Variants in KLF8 observed in about 807,000 individuals in gnomAD.
KLF8 encodes the protein KLF transcription factor 8.
A neutral mutation model predicts 18.2 loss-of-function variants in KLF8; 10 were observed. The ratio of observed to expected loss-of-function variants is 0.55; its 90% CI spans 0.34 to 0.93. The LOEUF (loss-of-function observed/expected upper bound fraction) is 0.93. KLF8 is among the 40% of genes least tolerant of loss of function. KLF8 has a pLI of 0.02. For missense variants in KLF8, 264 were observed against 277.9 expected (o/e 0.95, Z 0.36); for synonymous variants, 109 against 97.3 (o/e 1.12, Z -0.71).
At position 56,233,586 on chromosome X, in the gene KLF8, G is replaced by T. The variant is rs2066430081; in HGVS notation, c.7+245G>T. ...AGCTTGGTGGAAGAAGTGAAAGGGG[G>T]CAAGAATGGATGGATTTGTCTAGTC... On this transcript the variant is annotated intron_variant, in intron 1 of 5. Transcript: ENST00000468660. Among the ~76,000 whole-genome samples the T allele has an allele frequency of 2.7e-5, 3 of 111,780 alleles. No individual in the cohort carries two copies. In the Admixed American group the frequency reaches 2.8e-4, roughly 11 times the overall value.
At chrX:56,009,240 G>A in the KLF8 span, among the ~76,000 whole-genome samples, 199 of 111,175 alleles carry the variant, frequency 1.8e-3, no homozygotes, top group Middle Eastern at 9.3e-3. Context: ...AGAGGAAGGA[G>A]CAGGCAGCCA....
chrX:56,101,624 A>G, the KLF8 span, among the ~76,000 whole-genome samples: 2 of 111,931 alleles, frequency 1.8e-5, no homozygotes, highest in Non-Finnish European at 3.8e-5. Context: ...CCTCACCAGC[A>G]TCTGTTAATT....
In KLF8 at chrX:56,286,511, T is replaced by C. The variant is rs769698107; in HGVS notation, c.*2017T>C. On this transcript the variant is annotated 3_prime_UTR_variant, in exon 6 of 6. Coordinates refer to ENST00000468660, the MANE Select transcript of KLF8 (RefSeq NM_007250.5). ...GTGATTGGTTGCAATATTTGTCTAA[T>C]TTTATATGTTTTCTTCAGGAAAACT... 2 of 112,503 alleles carry C rather than the reference T, an allele frequency of 1.8e-5. No homozygotes were observed. The highest frequency in any genetic ancestry group is 3.2e-5 in the African/African-American group (1 of 30,968). The allele number at this position is 112,503 out of a possible 1,213,427, so 9.3% of individuals were successfully genotyped here. A position where few individuals can be genotyped will look rare whatever the true frequency, so the allele number is the denominator to read the frequency against.
At chrX:56,193,587 G>T in the KLF8 span, among the ~76,000 whole-genome samples, 3 of 112,202 alleles carry the variant, frequency 2.7e-5, no homozygotes, top group Non-Finnish European at 5.6e-5. Flanking sequence ...ATCAACAAAT[G>T]AATGGATAAA....
chrX:56,165,456 T>A, the KLF8 span, among the ~76,000 whole-genome samples: 1 of 112,673 alleles, frequency 8.9e-6, no homozygotes, highest in Non-Finnish European at 1.9e-5. Flanking sequence ...ATCTTGCATT[T>A]TAAATGGATT....
chrX:56,201,886 A>G, the KLF8 span, among the ~76,000 whole-genome samples: 1 of 111,857 alleles, frequency 8.9e-6, no homozygotes, highest in Non-Finnish European at 1.9e-5. Context: ...CTGGACTTAA[A>G]TAAAATACAT....
At chrX:56,262,915 G>A (rs900252441) in intron 2 of KLF8, among the ~76,000 whole-genome samples, 2 of 111,543 alleles carry the variant, frequency 1.8e-5, no homozygotes, top group African/African-American at 3.3e-5. Flanking sequence ...GAGCCACCGC[G>A]CCCGCCCTAC....
At chrX:56,154,018 T>C in the KLF8 span, among the ~76,000 whole-genome samples, 5 of 111,143 alleles carry the variant, frequency 4.5e-5, no homozygotes, top group Non-Finnish European at 7.5e-5. Context: ...AGGTAATCTA[T>C]AGATTCAATG....
the KLF8 span, among the ~76,000 whole-genome samples, chrX:56,049,232 T>A: frequency 9.9e-4 from 110 of 111,572 alleles, no homozygotes; most frequent in African/African-American, 3.5e-3. Context: ...TTTGACTTCC[T>A]CTTTTCCTAA....
In KLF8 at chrX:56,269,438, C is replaced by A. The variant is rs1456723587; in HGVS notation, c.707C>A (p.Thr236Lys). The A allele has an allele frequency of 8.3e-7, 1 of 1,206,882 alleles. No homozygotes were observed. The highest frequency in any genetic ancestry group is 1.1e-6 in the Non-Finnish European group (1 of 894,008). The change falls in exon 4 of 6, where the codon ACA (threonine) becomes AAA (lysine). Residue 236 changes from threonine (T) to lysine (K), a missense_variant. Physicochemically the swap from Thr to Lys is moderately conservative, Grantham distance 78. This residue lies in a region of KLF8 where 221 missense variants were observed against 193.6 expected (regional missense o/e 1.14). Transcript: ENST00000468660. ...LEIPSDSEES[T>K]IESGSSALQS... ...ATTCCAAGTGACAGTGAGGAGAGTA[C>A]AATTGAGAGTGGATCCTCAGCCTTG...
the KLF8 span, among the ~76,000 whole-genome samples, chrX:55,983,649 A>C: frequency 8.9e-6 from 1 of 112,033 alleles, no homozygotes; most frequent in Non-Finnish European, 1.9e-5. Flanking sequence ...AAATAGCTTT[A>C]ATGGTACAAG....
intron 1 of KLF8, among the ~76,000 whole-genome samples, chrX:56,248,225 G>A (rs1228795845): frequency 1.8e-5 from 2 of 110,294 alleles, no homozygotes; most frequent in East Asian, 5.7e-4. Flanking sequence ...GAGTTAATGG[G>A]TGCAGCACAC....
the KLF8 span, among the ~76,000 whole-genome samples, chrX:56,211,405 C>T: frequency 1.8e-5 from 2 of 112,584 alleles, no homozygotes; most frequent in African/African-American, 3.2e-5. Context: ...TCTTCTGAGC[C>T]ATCTAAAGCT....
At chrX:56,142,566 T>C in the KLF8 span, among the ~76,000 whole-genome samples, 1 of 111,726 alleles carries the variant, frequency 9.0e-6, no homozygotes, top group Admixed American at 9.6e-5. Flanking sequence ...AAGTTGTATA[T>C]ACCCAGCTAA....
chrX:56,175,824 A>G, the KLF8 span, among the ~76,000 whole-genome samples: 2 of 111,342 alleles, frequency 1.8e-5, no homozygotes, highest in African/African-American at 6.5e-5. Context: ...AGCTTTTCTT[A>G]TTGAATTGAT....
At chrX:56,125,325 A>G in the KLF8 span, among the ~76,000 whole-genome samples, 1 of 111,849 alleles carries the variant, frequency 8.9e-6, no homozygotes. Context: ...AGAAACAGCT[A>G]TTCATATGAA....
the KLF8 span, among the ~76,000 whole-genome samples, chrX:56,081,931 A>G: frequency 9.0e-6 from 1 of 111,603 alleles, no homozygotes; most frequent in Non-Finnish European, 1.9e-5. Context: ...TGGTATATTA[A>G]TCTTATTTTG....
the KLF8 span, among the ~76,000 whole-genome samples, chrX:56,073,026 G>T: frequency 1.0e-5 from 1 of 99,770 alleles, no homozygotes; most frequent in Admixed American, 1.1e-4. Context: ...TCACTCTGTC[G>T]CCCAGGCTGG....
the KLF8 span, among the ~76,000 whole-genome samples, chrX:56,164,334 C>T: frequency 6.6e-5 from 6 of 90,894 alleles, no homozygotes; most frequent in Admixed American, 5.4e-4. Context: ...GTAAACAAAC[C>T]GTAACACCAA....
Sources: gnomAD v4.1 joint callset for allele counts (sites outside exome capture counted in the v4.1 genomes callset) on GRCh38, gnomAD v4.1.1 for gene constraint, gnomAD v4.1.1 regional missense constraint, MANE v1.5 for transcripts, NCBI Gene and HGNC (gene_info 2026-07-23, HGNC 2026-07-21) for gene names.